Variants in CNBD1 observed in about 807,000 individuals in gnomAD.
CNBD1 encodes the protein cyclic nucleotide-binding domain-containing protein 1.
Under a neutral mutation model 54.4 loss-of-function variants are expected in CNBD1, and 71 were observed. The observed-to-expected ratio is 1.30, with a 90% CI of 1.08 to 1.59. CNBD1 has a LOEUF of 1.59. CNBD1 is among the 40% of genes most tolerant of loss of function. The probability of loss-of-function intolerance (pLI) is 0.00; values close to 1 mark genes in which losing one functional copy is unlikely to be tolerated. For missense variants in CNBD1, 659 were observed against 518.0 expected (o/e 1.27, Z -2.64); for synonymous variants, 182 against 170.7 (o/e 1.07, Z -0.51).
rs574809997 is a variant in CNBD1 at position 87,097,911 on chromosome 8, T to C, written c.432-108082T>C. Among the ~76,000 whole-genome samples, 24 of 152,350 alleles carry C rather than the reference T, an allele frequency of 1.6e-4. 1 individual carries two copies. Among genetic ancestry groups the C allele is most frequent in the African/African-American group, 5.8e-4 (24 of 41,582 alleles). ...TGACTGTTGTGACATACAATCCTTG[T>C]AATGTTTTCTAAGTGGTTTGAAGAT... On this transcript the variant is annotated intron_variant, in intron 4 of 10. Transcript: ENST00000518476.
At chr8:86,909,195 A>G (rs1025693591) in intron 3 of CNBD1, among the ~76,000 whole-genome samples, 7 of 152,232 alleles carry the variant, frequency 4.6e-5, no homozygotes, top group Non-Finnish European at 7.3e-5. Context: ...AAGATGGGCC[A>G]TAATCCAGAT....
chr8:87,125,915 A>G lies in CNBD1; in HGVS notation c.432-80078A>G, dbSNP rs143642332. ...TCAGTTTCCATTTCCTAAAATTTAT[A>G]TAAAGGAATCATATATTATTCTTTT... On this transcript the variant is annotated intron_variant, in intron 4 of 10. Transcript: ENST00000518476. Among the ~76,000 whole-genome samples the G allele has an allele frequency of 2.1e-3, 317 of 152,002 alleles. 4 individuals carry two copies. Among genetic ancestry groups the G allele is most frequent in the African/African-American group, 7.5e-3 (311 of 41,542 alleles).
chr8:87,165,265 G>A (rs1357020985), intron 4 of CNBD1, among the ~76,000 whole-genome samples: 1 of 151,862 alleles, frequency 6.6e-6, no homozygotes, highest in Non-Finnish European at 1.5e-5. Flanking sequence ...GTGTATGTCT[G>A]TAACTCCATT....
rs148935122 is a variant in CNBD1, at chr8:87,202,248, T to C, written c.432-3745T>C. Among the ~76,000 whole-genome samples the C allele has an allele frequency of 5.3e-4, 80 of 152,280 alleles. 1 individual carries two copies. Among genetic ancestry groups the C allele is most frequent in the African/African-American group, 1.8e-3 (74 of 41,562 alleles). On this transcript the variant is annotated intron_variant, in intron 4 of 10. Transcript: ENST00000518476. ...TGACTGAATTCTGGGGAGCAATAGATAAGTCCATAATAGCAATATTAATCC... is the reference window on the plus strand; with the variant it reads ...TGACTGAATTCTGGGGAGCAATAGACAAGTCCATAATAGCAATATTAATCC...
At chr8:87,121,341 A>C (rs755361603) in intron 4 of CNBD1, among the ~76,000 whole-genome samples, 58 of 151,764 alleles carry the variant, frequency 3.8e-4, no homozygotes, top group Non-Finnish European at 3.4e-4. Flanking sequence ...TTAGGAAATA[A>C]GAGTGTATTT....
intron 8 of CNBD1, among the ~76,000 whole-genome samples, chr8:87,301,506 G>A (rs753437601): frequency 6.6e-6 from 1 of 152,056 alleles, no homozygotes; most frequent in East Asian, 1.9e-4. Flanking sequence ...CCATGATAAC[G>A]TGGGTTTCAT....
rs55946703 is a variant in CNBD1, at chr8:87,291,594, C to T, written c.1042+4923C>T. Among the ~76,000 whole-genome samples the T allele has an allele frequency of 4.0e-3, 613 of 152,060 alleles. 3 individuals carry two copies. Among genetic ancestry groups the T allele is most frequent in the African/African-American group, 0.014 (575 of 41,492 alleles). On this transcript the variant is annotated intron_variant, in intron 8 of 10. Transcript: ENST00000518476. The stretch of plus-strand genomic sequence containing the variant: ...TGGGCCTTGGGTCAGATTTGGTCCG[C>T]GGTCTAAAGTTTTCCAACTCCTGTC...
intron 6 of CNBD1, among the ~76,000 whole-genome samples, chr8:87,265,553 T>A (rs950471724): frequency 6.6e-6 from 1 of 152,114 alleles, no homozygotes; most frequent in Non-Finnish European, 1.5e-5. Context: ...TTATAGTTTT[T>A]AAAAAATTAA....
Position 87,295,963 on chromosome 8 carries a change from G to A in CNBD1, c.1042+9292G>A, listed in dbSNP as rs564551450. On this transcript the variant is annotated intron_variant, in intron 8 of 10. Transcript: ENST00000518476. ...TCCAAAGTAGAACTTTTAAAAATGC[G>A]AACTCTTATGTTTCGCTATGAATAT... Among the ~76,000 whole-genome samples the A allele has an allele frequency of 1.4e-4, 21 of 151,960 alleles. No individual in the cohort carries two copies. In the South Asian group the frequency reaches 3.1e-3, roughly 23 times the overall value.
intron 4 of CNBD1, among the ~76,000 whole-genome samples, chr8:87,092,674 C>A (rs1811242140): frequency 6.6e-6 from 1 of 151,538 alleles, no homozygotes; most frequent in Non-Finnish European, 1.5e-5. Flanking sequence ...AATATTGGTA[C>A]TTTTCAGAGC....
At chr8:87,104,614 A>G (rs1811496095) in intron 4 of CNBD1, among the ~76,000 whole-genome samples, 1 of 152,204 alleles carries the variant, frequency 6.6e-6, no homozygotes, top group African/African-American at 2.4e-5. Context: ...GGGAGAGTAA[A>G]GGACTGATGG....
At chr8:86,957,298 G>C (rs944836169) in intron 4 of CNBD1, among the ~76,000 whole-genome samples, 1 of 151,934 alleles carries the variant, frequency 6.6e-6, no homozygotes, top group African/African-American at 2.4e-5. Context: ...TGTTTTTTTT[G>C]TTGTGTCTCT....
At chr8:87,007,606 G>A (rs964647386) in intron 4 of CNBD1, among the ~76,000 whole-genome samples, 1 of 151,826 alleles carries the variant, frequency 6.6e-6, no homozygotes, top group African/African-American at 2.4e-5. Context: ...CTGAATAAAT[G>A]CTTCCCATCT....
chr8:87,224,382 T>C (rs1264391731), intron 5 of CNBD1, among the ~76,000 whole-genome samples: 33 of 151,600 alleles, frequency 2.2e-4, no homozygotes, highest in African/African-American at 5.3e-4. Context: ...TTAGGTCTAA[T>C]GTTTAAGTCT....
chr8:87,427,009 G>A lies in CNBD1; in HGVS notation c.214-1537G>A, dbSNP rs187098538. ...TAAAATCATGTAAACTTTGGCTTGG[G>A]GCTCCCATGTTTATTAGGTGTTATA... On this transcript the variant is annotated intron_variant, in intron 2 of 7. Coordinates refer to the CNBD1 transcript ENST00000521593. Among the ~76,000 whole-genome samples the A allele has an allele frequency of 1.6e-4, 24 of 152,162 alleles. No individual in the cohort carries two copies. The Middle Eastern group carries it at 0.014, about 86-fold the overall frequency.
At chr8:87,139,341 T>C (rs1163155535) in intron 4 of CNBD1, among the ~76,000 whole-genome samples, 1 of 152,208 alleles carries the variant, frequency 6.6e-6, no homozygotes, top group Non-Finnish European at 1.5e-5. Flanking sequence ...GAGTAGGTAT[T>C]GTGAAACAAT....
chr8:87,255,371 A>G (rs980485485), intron 6 of CNBD1, among the ~76,000 whole-genome samples: 1 of 152,164 alleles, frequency 6.6e-6, no homozygotes, highest in Non-Finnish European at 1.5e-5. Context: ...ACTTACTGTT[A>G]ATAGCCTGAT....
rs117611846 is a variant in CNBD1, at chr8:87,315,420, C to A, written c.1042+28749C>A. On this transcript the variant is annotated intron_variant, in intron 8 of 10. Transcript: ENST00000518476. Reference sequence around the variant, plus strand: ...TTGGCTCATGGTTCTGCAGGCCATACAAGAAGCATGGTGCAGGCATCTACT... The same window carrying A: ...TTGGCTCATGGTTCTGCAGGCCATAAAAGAAGCATGGTGCAGGCATCTACT... Among the ~76,000 whole-genome samples, 997 of 151,678 alleles carry A rather than the reference C, an allele frequency of 6.6e-3. 6 individuals carry two copies. Among genetic ancestry groups the A allele is most frequent in the Admixed American group, 0.016 (250 of 15,224 alleles).
intron 10 of CNBD1, among the ~76,000 whole-genome samples, chr8:87,363,911 A>T (rs1810578687): frequency 6.7e-6 from 1 of 148,616 alleles, no homozygotes; most frequent in Non-Finnish European, 1.5e-5. Flanking sequence ...TTGGTGTTTT[A>T]TTCATGAAGT....
Sources: allele counts gnomAD v4.1 joint callset (sites outside exome capture counted in the v4.1 genomes callset), GRCh38; gene constraint gnomAD v4.1.1; transcripts MANE v1.5; gene names NCBI Gene and HGNC (gene_info 2026-07-23, HGNC 2026-07-21).